PPP1R9A: variants seen among roughly 807,000 people sequenced by gnomAD.
The protein encoded by PPP1R9A is protein phosphatase 1 regulatory subunit 9A.
A neutral mutation model predicts 141.9 loss-of-function variants in PPP1R9A; 59 were observed. The ratio of observed to expected loss-of-function variants is 0.42; its 90% CI spans 0.34 to 0.52. PPP1R9A has a LOEUF of 0.52. Ranked by LOEUF, PPP1R9A falls within the 20% of genes least tolerant of loss-of-function variation. The probability of loss-of-function intolerance (pLI) is 0.10; values close to 1 mark genes in which losing one functional copy is unlikely to be tolerated. For missense variants in PPP1R9A, 1,444 were observed against 1,611.9 expected, an observed-to-expected ratio of 0.90 and a Z score of 1.78; for synonymous variants, 500 against 569.7, an observed-to-expected ratio of 0.88 and a Z score of 1.74.
rs958939237 is a variant in PPP1R9A at position 94,910,360 on chromosome 7, G to T, written c.247G>T (p.Val83Phe). The change falls in exon 2 of 20, where the codon GTC becomes TTC. Residue 83 changes from valine (V) to phenylalanine (F), a missense_variant. Val to Phe is a conservative substitution (Grantham distance 50, BLOSUM62 -1). Around this residue, in one of 5 missense-constraint regions of PPP1R9A, gnomAD observed 490 missense variants for 521.1 expected, o/e 0.94. Coordinates refer to ENST00000433360, the MANE Select transcript of PPP1R9A (RefSeq NM_001166160.2). This position sits in a 1 kb window ranked among gnomAD's most constrained non-coding sequence, Gnocchi z 4.5. ...MGMEPNENAA[V>F]IAKTRGKGGH... ...TATGGAACCCAACGAGAATGCTGCA[G>T]TCATTGCCAAAACAAGGGGGAAAGG... 1 of 1,614,132 alleles carries T rather than the reference G, an allele frequency of 6.2e-7. No homozygotes were observed. The highest frequency in any genetic ancestry group is 1.7e-5 in the Admixed American group (1 of 60,024).
intron 4 of PPP1R9A, among the ~76,000 whole-genome samples, chr7:95,137,934 C>CTTT (rs1041692626): frequency 1.3e-4 from 17 of 134,522 alleles, no homozygotes; most frequent in African/African-American, 3.9e-4. Flanking sequence ...TTCTTTTTTT[C>CTTT]TTTTTTTTTT....
intron 2 of PPP1R9A, among the ~76,000 whole-genome samples, chr7:95,060,825 A>G (rs1403227060): frequency 6.6e-6 from 1 of 152,228 alleles, no homozygotes; most frequent in Non-Finnish European, 1.5e-5. Context: ...TGCTTGTGCC[A>G]TGTGGCAGCA....
At chr7:95,161,732 T>C (rs993563541) in intron 4 of PPP1R9A, 135 bp from the exon 5 acceptor site, 2 of 576,930 alleles carry the variant, frequency 3.5e-6, no homozygotes, top group African/African-American at 3.7e-5. Context: ...ACTGACTGTA[T>C]GTAAAAGATA....
At chr7:94,989,556 C>T (rs1370100094) in intron 2 of PPP1R9A, among the ~76,000 whole-genome samples, 2 of 152,024 alleles carry the variant, frequency 1.3e-5, no homozygotes, top group African/African-American at 4.8e-5. Context: ...AATTAGAAAA[C>T]GTGGAAGGTT....
chr7:95,007,515 C>A (rs1309305583), intron 2 of PPP1R9A, among the ~76,000 whole-genome samples: 1 of 152,132 alleles, frequency 6.6e-6, no homozygotes, highest in Non-Finnish European at 1.5e-5. Flanking sequence ...ATACATATGT[C>A]TCCTCAATTG....
chr7:95,059,954 G>A (rs1812003272), intron 2 of PPP1R9A, among the ~76,000 whole-genome samples: 1 of 152,144 alleles, frequency 6.6e-6, no homozygotes, highest in African/African-American at 2.4e-5. Flanking sequence ...TGCCTCAGAT[G>A]TTGGGAGGGG....
At chr7:95,087,258 G>C (rs115108424) in intron 2 of PPP1R9A, among the ~76,000 whole-genome samples, 2,060 of 152,064 alleles carry the variant, frequency 0.014, 84 homozygotes, top group African/African-American at 0.048. Context: ...ATAGCACTCA[G>C]ATGTTTACTT....
At position 95,197,432 on chromosome 7, in the gene PPP1R9A, T is replaced by A. The variant is rs563611648; in HGVS notation, c.1755-917T>A. ...CTTGTTTTTCTCTTTAGGCTTTTTT[T>A]ATAGGCATTAATAACAAATATTTCC... On this transcript the variant is annotated intron_variant, in intron 5 of 19. Transcript: ENST00000433360. Among the ~76,000 whole-genome samples, 53 of 152,330 alleles carry A rather than the reference T, an allele frequency of 3.5e-4. 1 individual carries two copies. The East Asian group carries it at 8.3e-3, about 24-fold the overall frequency.
At chr7:94,966,260 C>G (rs1472740785) in intron 2 of PPP1R9A, among the ~76,000 whole-genome samples, 1 of 152,278 alleles carries the variant, frequency 6.6e-6, no homozygotes, top group East Asian at 1.9e-4. Context: ...CATATACAGT[C>G]ATGTCATCTG....
rs138699816 is a variant in PPP1R9A, at chr7:94,982,258, T to C, written c.1395+70750T>C. Among the ~76,000 whole-genome samples, 586 of 152,338 alleles carry C rather than the reference T, an allele frequency of 3.8e-3. 22 individuals are homozygous for C. The highest frequency in any genetic ancestry group is 0.035 in the East Asian group (179 of 5,188). On this transcript the variant is annotated intron_variant, in intron 2 of 19. Coordinates refer to ENST00000433360, the MANE Select transcript of PPP1R9A (RefSeq NM_001166160.2). ...ATTTGGGTTGGTTCCAAGTCTTTGC[T>C]ATTGTGAATAGTGCCACAGTAAACA...
intron 4 of PPP1R9A, chr7:95,155,521 A>G (rs1829468378): frequency 1.3e-5 from 2 of 152,262 alleles, no homozygotes; most frequent in East Asian, 3.9e-4. Context: ...CTTTGAGGAG[A>G]AAGAAAAGTC....
In PPP1R9A at chr7:95,294,113, ACC is replaced by A. The variant is rs1310397009; in HGVS notation, c.*3811_*3812del. 4 of 152,290 alleles carry A rather than the reference ACC, an allele frequency of 2.6e-5. No homozygotes were observed. Among genetic ancestry groups the A allele is most frequent in the Non-Finnish European group, 5.9e-5 (4 of 68,030 alleles). 9.4% of individuals were successfully genotyped at this position (152,290 alleles called of 1,614,324 possible). On this transcript the variant is annotated 3_prime_UTR_variant, in exon 20 of 20. Coordinates refer to ENST00000433360, the MANE Select transcript of PPP1R9A (RefSeq NM_001166160.2). ...TTCACGTCACCTACTTAATGCAAAG[ACC>A]TTAGTGGTCTCAGAATGAAAAGGTA...
At chr7:94,965,306 A>G (rs55712654) in intron 2 of PPP1R9A, among the ~76,000 whole-genome samples, 45,413 of 152,006 alleles carry the variant, frequency 0.3, 8,724 homozygotes, top group Middle Eastern at 0.44. Flanking sequence ...TTTGCTGTGC[A>G]GAAGCTCTTT....
intron 2 of PPP1R9A, among the ~76,000 whole-genome samples, chr7:95,053,894 T>C (rs953442383): frequency 2.6e-5 from 4 of 152,298 alleles, no homozygotes; most frequent in East Asian, 1.9e-4. Context: ...TATAGAAGTA[T>C]ATAGCGTTCA....
At chr7:95,158,779 T>C (rs1476149423) in intron 4 of PPP1R9A, among the ~76,000 whole-genome samples, 15 of 152,104 alleles carry the variant, frequency 9.9e-5, no homozygotes, top group Admixed American at 9.8e-4. Context: ...GTGTAACAAA[T>C]GGGTAAAAGA....
chr7:95,196,188 C>T (rs1836253285), intron 5 of PPP1R9A, among the ~76,000 whole-genome samples: 3 of 152,070 alleles, frequency 2.0e-5, no homozygotes, highest in Non-Finnish European at 2.9e-5. Flanking sequence ...AGATATTTCA[C>T]TGCAGAAGAT....
intron 7 of PPP1R9A, among the ~76,000 whole-genome samples, chr7:95,223,793 T>A (rs1311064424): frequency 6.6e-6 from 1 of 152,038 alleles, no homozygotes; most frequent in Non-Finnish European, 1.5e-5. Flanking sequence ...TAATAAAGGC[T>A]TGGGTTTTGC....
intron 16 of PPP1R9A, among the ~76,000 whole-genome samples, chr7:95,275,219 C>A (rs1269489171): frequency 6.6e-6 from 1 of 151,868 alleles, no homozygotes; most frequent in Admixed American, 6.6e-5. Flanking sequence ...ACCAGCCCGG[C>A]CAACATGGCG....
At chr7:94,949,588 G>T (rs532202190) in intron 2 of PPP1R9A, among the ~76,000 whole-genome samples, 1 of 152,058 alleles carries the variant, frequency 6.6e-6, no homozygotes, top group Non-Finnish European at 1.5e-5. Flanking sequence ...CCTCTATTGG[G>T]CTAGTTAGCA....
Sources: gnomAD v4.1 joint callset for allele counts (sites outside exome capture counted in the v4.1 genomes callset) on GRCh38, gnomAD v4.1.1 for gene constraint, gnomAD v4.1.1 regional missense constraint, Gnocchi (gnomAD v3.1) non-coding constraint, MANE v1.5 for transcripts, NCBI Gene and HGNC (gene_info 2026-07-23, HGNC 2026-07-21) for gene names.